The following HPCAL1 variants were observed in gnomAD, a reference collection of about 807,000 sequenced individuals.
HPCAL1 encodes the protein hippocalcin like 1.
Under a neutral mutation model 17.1 loss-of-function variants are expected in HPCAL1, and 8 were observed. That is an observed-to-expected ratio of 0.47 (90% confidence interval 0.27 to 0.84). HPCAL1 has a LOEUF of 0.84. Among genes scored for constraint, HPCAL1 ranks in the 40% least tolerant of loss-of-function variants. HPCAL1 has a pLI of 0.13. For synonymous variants in HPCAL1, 112 were observed against 111.4 expected, an observed-to-expected ratio of 1.01 and a Z score of -0.03; for missense variants, 165 against 271.1, an observed-to-expected ratio of 0.61 and a Z score of 2.75.
chr2:10,401,505 G>A (rs975950403), intron 2 of HPCAL1, among the ~76,000 whole-genome samples: 7 of 152,204 alleles, frequency 4.6e-5, no homozygotes, highest in Admixed American at 2.6e-4. Flanking sequence ...TGGGGCTCTC[G>A]GAGGGTGCAC....
intron 1 of HPCAL1, among the ~76,000 whole-genome samples, chr2:10,308,752 A>G (rs534890966): frequency 6.6e-6 from 1 of 152,278 alleles, no homozygotes; most frequent in Admixed American, 6.5e-5. Context: ...ATAACTCCTG[A>G]GTATCTAGCA....
At chr2:10,402,382 C>T (rs185636800) in intron 2 of HPCAL1, among the ~76,000 whole-genome samples, 1 of 152,284 alleles carries the variant, frequency 6.6e-6, no homozygotes, top group East Asian at 1.9e-4. Context: ...TGGGTGGGTG[C>T]GTTGCCACAA....
At chr2:10,387,754 C>A (rs1168352637) in intron 1 of HPCAL1, among the ~76,000 whole-genome samples, 1 of 152,182 alleles carries the variant, frequency 6.6e-6, no homozygotes, top group Non-Finnish European at 1.5e-5. Context: ...GCATCTCTGC[C>A]CAGCAGATGA....
intron 2 of HPCAL1, among the ~76,000 whole-genome samples, chr2:10,399,316 C>CCAT (rs1669330189): frequency 1.2e-5 from 1 of 82,082 alleles, no homozygotes; most frequent in Admixed American, 1.1e-4. Context: ...ACCACCACCA[C>CCAT]CACCACCATC....
At chr2:10,374,749 C>T (rs1023581) in intron 1 of HPCAL1, among the ~76,000 whole-genome samples, 77,289 of 151,756 alleles carry the variant, frequency 0.51, 20,825 homozygotes, top group East Asian at 0.8. Context: ...CACCCTACGG[C>T]GTAGAGGAGG....
chr2:10,368,872 T>C (rs2125505619), intron 1 of HPCAL1: 1 of 152,340 alleles, frequency 6.6e-6, no homozygotes, highest in East Asian at 1.9e-4. Flanking sequence ...AATCCAGGAA[T>C]AGATTATTTG....
intron 1 of HPCAL1, among the ~76,000 whole-genome samples, chr2:10,339,219 C>G (rs557325814): frequency 6.2e-4 from 95 of 152,292 alleles, no homozygotes; most frequent in Non-Finnish European, 1.2e-3. Flanking sequence ...GTGGCATGAT[C>G]TCGGCTCACT....
At chr2:10,385,043 C>T (rs1248856671) in intron 1 of HPCAL1, among the ~76,000 whole-genome samples, 2 of 151,758 alleles carry the variant, frequency 1.3e-5, no homozygotes, top group Non-Finnish European at 2.9e-5. Flanking sequence ...TCACTTGAAC[C>T]CGGGAGGTGA....
In HPCAL1 at chr2:10,363,370, G is replaced by A. The variant is rs1315659760; in HGVS notation, c.-110-33465G>A. On this transcript the variant is annotated intron_variant, in intron 1 of 4. Coordinates refer to ENST00000307845, the MANE Select transcript of HPCAL1 (RefSeq NM_002149.4). The surrounding 1 kb of genome is among the most constrained non-coding windows in gnomAD (Gnocchi z 4.7). ...GAGCTGCTGGGGGTGCTGGGCAGAC[G>A]TTTACCGTCCAGCACCCCCATTTCT... Among the ~76,000 whole-genome samples the A allele has an allele frequency of 1.3e-5, 2 of 152,154 alleles. No homozygotes were observed. The highest frequency in any genetic ancestry group is 2.4e-5 in the African/African-American group (1 of 41,432).
chr2:10,412,975 A>C (rs1220960562), intron 2 of HPCAL1, among the ~76,000 whole-genome samples: 1 of 151,474 alleles, frequency 6.6e-6, no homozygotes, highest in Non-Finnish European at 1.5e-5. Flanking sequence ...GTATTGTACT[A>C]TTTTTGGGTC....
chr2:10,375,460 C>T (rs1558497743), intron 1 of HPCAL1, among the ~76,000 whole-genome samples: 2 of 152,038 alleles, frequency 1.3e-5, no homozygotes, highest in African/African-American at 4.8e-5. Context: ...GGAGGGGGGC[C>T]AGGGGGCATA....
intron 1 of HPCAL1, among the ~76,000 whole-genome samples, chr2:10,386,004 C>T (rs1668287516): frequency 6.6e-6 from 1 of 152,182 alleles, no homozygotes; most frequent in African/African-American, 2.4e-5. Context: ...TTACGGCTGT[C>T]TGGCAATTAG....
At chr2:10,399,488 C>T (rs931815228) in intron 2 of HPCAL1, among the ~76,000 whole-genome samples, 3 of 125,398 alleles carry the variant, frequency 2.4e-5, no homozygotes, top group Admixed American at 7.8e-5. Flanking sequence ...CCACCATCAC[C>T]GCCACCATCA....
intron 1 of HPCAL1, among the ~76,000 whole-genome samples, chr2:10,309,369 C>T (rs1039056273): frequency 1.3e-5 from 2 of 152,144 alleles, no homozygotes; most frequent in Non-Finnish European, 2.9e-5. Flanking sequence ...ACTGAGGAGG[C>T]CCAGAGCAAA....
Position 10,359,061 on chromosome 2 carries a change from G to A in HPCAL1, c.-110-37774G>A, listed in dbSNP as rs1666366329. 1.3e-5 allele frequency among the ~76,000 whole-genome samples: 2 copies of A among 151,816 alleles called. No individual in the cohort carries two copies. Among genetic ancestry groups the A allele is most frequent in the Admixed American group, 1.3e-4 (2 of 15,240 alleles). ...TTTGACCCGTCTGCATGCTCCCCTC[G>A]AGGTTTGACCCGTCTGCATGCTCCC... On this transcript the variant is annotated intron_variant, in intron 1 of 4. Transcript: ENST00000307845. The surrounding 1 kb of genome is among the most constrained non-coding windows in gnomAD (Gnocchi z 4.1).
chr2:10,303,200 T>G (rs73161222), intron 1 of HPCAL1, 23 bp downstream of exon 1: 11,304 of 152,070 alleles, frequency 0.074, 580 homozygotes, highest in African/African-American at 0.13. Context: ...CGGGCTGCGG[T>G]CTGCTGGCTG....
chr2:10,334,374 A>G (rs895500484), intron 1 of HPCAL1, among the ~76,000 whole-genome samples: 2 of 151,816 alleles, frequency 1.3e-5, no homozygotes, highest in Non-Finnish European at 2.9e-5. Flanking sequence ...TGGGTGCAGC[A>G]TCATGTACCT....
At chr2:10,388,367 G>T (rs1363753272) in intron 1 of HPCAL1, among the ~76,000 whole-genome samples, 2 of 152,248 alleles carry the variant, frequency 1.3e-5, no homozygotes, top group African/African-American at 4.8e-5. Context: ...TGGTGAGGGT[G>T]GCAGTGACTG....
chr2:10,373,287 G>A (rs1311902904), intron 1 of HPCAL1, among the ~76,000 whole-genome samples: 1 of 152,200 alleles, frequency 6.6e-6, no homozygotes, highest in Non-Finnish European at 1.5e-5. Flanking sequence ...TGGGATGAGA[G>A]GCAGATGGGG....
Sources: gnomAD v4.1 joint callset for allele counts (sites outside exome capture counted in the v4.1 genomes callset) on GRCh38, gnomAD v4.1.1 for gene constraint, Gnocchi (gnomAD v3.1) non-coding constraint, MANE v1.5 for transcripts, NCBI Gene and HGNC (gene_info 2026-07-23, HGNC 2026-07-21) for gene names.